CAPN7: variants seen among roughly 807,000 people sequenced by gnomAD.
CAPN7 encodes calpain 7, also known as calpain-7.
Under a neutral mutation model 115.2 loss-of-function variants are expected in CAPN7, and 72 were observed. The observed-to-expected ratio is 0.63, with a 90% CI of 0.52 to 0.76. The LOEUF (loss-of-function observed/expected upper bound fraction) is 0.76, where lower values mean the gene tolerates loss of function less well. Ranked by LOEUF, CAPN7 falls within the 30% of genes least tolerant of loss-of-function variation. CAPN7 has a pLI of 0.00. For synonymous variants in CAPN7, 344 were observed against 322.3 expected (o/e 1.07, Z -0.72); for missense variants, 905 against 971.5 (o/e 0.93, Z 0.91).
intron 7 of CAPN7, among the ~76,000 whole-genome samples, chr3:15,228,214 G>C (rs1239153901): frequency 1.3e-5 from 2 of 152,092 alleles, no homozygotes; most frequent in African/African-American, 4.8e-5. Context: ...TGTAAAACTT[G>C]AGAATCTGAA....
At chr3:15,243,673 A>T (rs1020339197) in intron 16 of CAPN7, among the ~76,000 whole-genome samples, 2 of 152,142 alleles carry the variant, frequency 1.3e-5, no homozygotes. Flanking sequence ...AGTTCCATCT[A>T]TTGATGTTTG....
chr3:15,235,767 C>T (rs1008659607), intron 12 of CAPN7, among the ~76,000 whole-genome samples: 8 of 152,286 alleles, frequency 5.3e-5, no homozygotes, highest in East Asian at 1.9e-4. Context: ...TCCTGCTATG[C>T]GGCCCAGTTC....
At position 15,233,858 on chromosome 3, in the gene CAPN7, C is replaced by T. The variant is rs1382964326; in HGVS notation, c.1180-9C>T. Reference sequence around the variant, plus strand: ...ACACTGGCAGTCCTGAAATGTGTTTCTGTTGCAGAATATTGATCTTCATGC... The same window carrying T: ...ACACTGGCAGTCCTGAAATGTGTTTTTGTTGCAGAATATTGATCTTCATGC... On this transcript the variant is annotated splice_polypyrimidine_tract_variant and intron_variant, in intron 10 of 20. Coordinates refer to ENST00000253693, the MANE Select transcript of CAPN7 (RefSeq NM_014296.3). 10 of 1,492,976 alleles carry T rather than the reference C, an allele frequency of 6.7e-6. No homozygotes were observed. Among genetic ancestry groups the T allele is most frequent in the Admixed American group, 1.7e-5 (1 of 59,044 alleles). The allele number at this position is 1,492,976 out of a possible 1,614,324, so 92.5% of individuals were successfully genotyped here. A position where few individuals can be genotyped will look rare whatever the true frequency, so the allele number is the denominator to read the frequency against.
At chr3:15,250,523 T>G (rs1695942910) in intron 19 of CAPN7, among the ~76,000 whole-genome samples, 1 of 151,896 alleles carries the variant, frequency 6.6e-6, no homozygotes, top group Non-Finnish European at 1.5e-5. Context: ...ACAAAAAAAT[T>G]TAGCCAGGCA....
chr3:15,226,733 C>T (rs1331298353), intron 6 of CAPN7, among the ~76,000 whole-genome samples: 9 of 152,010 alleles, frequency 5.9e-5, no homozygotes, highest in Non-Finnish European at 1.2e-4. Flanking sequence ...TTGCAATAAA[C>T]ATTGGCTTAT....
intron 19 of CAPN7, among the ~76,000 whole-genome samples, chr3:15,248,806 T>TCTC (rs1337029739): frequency 1.3e-5 from 2 of 151,448 alleles, no homozygotes; most frequent in African/African-American, 4.9e-5. Flanking sequence ...CTGAGCAACA[T>TCTC]GGCAAAACCT....
In CAPN7 at chr3:15,206,472, G is replaced by C. The variant is rs1318381606; in HGVS notation, c.-24G>C. ...GTCCTGCGTCAGGGCCTCCTTCCCT[G>C]CCCCGGCGCGGGGCCACTGCGCCAT... is the stretch of plus-strand genomic sequence containing the variant. On this transcript the variant is annotated 5_prime_UTR_variant, in exon 1 of 21. Coordinates refer to ENST00000253693, the MANE Select transcript of CAPN7 (RefSeq NM_014296.3). 6.5e-7 allele frequency: 1 copy of C among 1,528,504 alleles called. No individual in the cohort carries two copies. Among genetic ancestry groups the C allele is most frequent in the Non-Finnish European group, 8.8e-7 (1 of 1,133,052 alleles). The allele number at this position is 1,528,504 out of a possible 1,614,324, so 94.7% of individuals were successfully genotyped here.
chr3:15,234,624 A>G (rs1694882258), intron 11 of CAPN7, among the ~76,000 whole-genome samples: 1 of 152,220 alleles, frequency 6.6e-6, no homozygotes, highest in Non-Finnish European at 1.5e-5. Flanking sequence ...GATAATCCAT[A>G]TCCATTTAAG....
At position 15,247,364 on chromosome 3, in the gene CAPN7, G is replaced by A; in HGVS notation, c.2111G>A (p.Cys704Tyr). The change falls in exon 19 of 21, where the codon TGT becomes TAT. Residue 704 changes from cysteine to tyrosine, a missense_variant. Physicochemically the swap from Cys to Tyr is radical, Grantham distance 194. Coordinates refer to ENST00000253693, the MANE Select transcript of CAPN7 (RefSeq NM_014296.3). ...GKWSGQSAGGCGNFQETHKNN... is the reference protein window; with the variant it reads ...GKWSGQSAGGYGNFQETHKNN... Reference sequence around the variant, plus strand: ...TGGAGTGGTCAGAGTGCTGGAGGATGTGGAAATTTCCAAGAGACTCACAAA... The same window carrying A: ...TGGAGTGGTCAGAGTGCTGGAGGATATGGAAATTTCCAAGAGACTCACAAA... The A allele has an allele frequency of 1.2e-6, 2 of 1,609,620 alleles. No individual in the cohort carries two copies. The highest frequency in any genetic ancestry group is 2.2e-5 in the South Asian group (2 of 90,490).
intron 6 of CAPN7, among the ~76,000 whole-genome samples, chr3:15,225,259 T>C (rs6442505): frequency 0.12 from 17,959 of 152,226 alleles, 3,532 homozygotes; most frequent in African/African-American, 0.4. Context: ...CCTCTTTGAC[T>C]AATGATTTTA....
rs369805173 is a variant in CAPN7 at position 15,250,972 on chromosome 3, T to C, written c.2246T>C (p.Leu749Pro). Reference protein sequence around the residue: ...VGFEVVTVSTLGDPGPHGFLR... With the variant: ...VGFEVVTVSTPGDPGPHGFLR... Reference sequence around the variant, plus strand: ...TTTGAGGTTGTAACAGTTTCTACTCTAGGAGATCCTGGTCCCCATGGCTTT... The same window carrying C: ...TTTGAGGTTGTAACAGTTTCTACTCCAGGAGATCCTGGTCCCCATGGCTTT... Residue 749 changes from leucine to proline, a missense_variant, in exon 20 of 21, where the codon CTA (leucine) becomes CCA (proline). Leu to Pro is a moderately conservative substitution (Grantham distance 98, BLOSUM62 -3). Around this residue, in one of 3 missense-constraint regions of CAPN7, gnomAD observed 620 missense variants for 703.4 expected, o/e 0.88. Coordinates refer to ENST00000253693, the MANE Select transcript of CAPN7 (RefSeq NM_014296.3). 3.7e-5 allele frequency: 59 copies of C among 1,613,574 alleles called. No homozygotes were observed. Among genetic ancestry groups the C allele is most frequent in the Non-Finnish European group, 4.8e-5 (57 of 1,179,652 alleles).
At chr3:15,241,272 A>C (rs1185935973) in intron 14 of CAPN7, among the ~76,000 whole-genome samples, 181 bp from the exon 15 acceptor site, 2 of 152,188 alleles carry the variant, frequency 1.3e-5, no homozygotes, top group African/African-American at 4.8e-5. Context: ...TGTCACGCCC[A>C]CAGTGACTAT....
rs1355855919 is a variant in CAPN7, at chr3:15,207,509, G to T, written c.102+912G>T. Among the ~76,000 whole-genome samples, 4 of 151,952 alleles carry T rather than the reference G, an allele frequency of 2.6e-5. No individual in the cohort carries two copies. The East Asian group carries it at 7.7e-4, about 29-fold the overall frequency. On this transcript the variant is annotated intron_variant, in intron 1 of 20. Coordinates refer to ENST00000253693, the MANE Select transcript of CAPN7 (RefSeq NM_014296.3). ...CAGTAATAAACTAACCTTAGCTTAC[G>T]GTAACCCTTTTACTTTATAAACTTC...
chr3:15,247,505 G>A (rs1695736721), intron 19 of CAPN7, 48 bp downstream of exon 19: 2 of 1,500,710 alleles, frequency 1.3e-6, no homozygotes, highest in African/African-American at 2.9e-5. Context: ...TATTACAAAT[G>A]AACATAGTAT....
chr3:15,220,318 G>A (rs1693897566), intron 4 of CAPN7, among the ~76,000 whole-genome samples: 1 of 152,208 alleles, frequency 6.6e-6, no homozygotes, highest in Non-Finnish European at 1.5e-5. Flanking sequence ...CTGCCCAGGT[G>A]AACAACTCTG....
At chr3:15,238,849 ATTTTTTTTTTTTTT>A (rs59838740) in intron 12 of CAPN7, among the ~76,000 whole-genome samples, 1 of 114,012 alleles carries the variant, frequency 8.8e-6, no homozygotes, top group Admixed American at 8.9e-5. Context: ...GCAAAATCAA[ATTTTTTTTTTTTTT>A]TTTTTTTTTT....
chr3:15,217,554 C>T lies in CAPN7; in HGVS notation c.341C>T (p.Thr114Ile). The change falls in exon 3 of 21, where the codon ACA becomes ATA. Residue 114 changes from threonine (T) to isoleucine (I), a missense_variant. Coordinates refer to ENST00000253693, the MANE Select transcript of CAPN7 (RefSeq NM_014296.3). ...GTTGAAGATGCTATAGAATTGTACACAGAAGCTGTGGATCTCTGTCTGAAA... is the reference window on the plus strand; with the variant it reads ...GTTGAAGATGCTATAGAATTGTACATAGAAGCTGTGGATCTCTGTCTGAAA... ...ENVEDAIELY[T>I]EAVDLCLKTS... 6.2e-7 allele frequency: 1 copy of T among 1,613,244 alleles called. No homozygotes were observed. Among genetic ancestry groups the T allele is most frequent in the Non-Finnish European group, 8.5e-7 (1 of 1,179,656 alleles).
At chr3:15,231,976 A>T (rs1694719385) in intron 9 of CAPN7, 1 of 204,162 alleles carries the variant, frequency 4.9e-6, no homozygotes, top group African/African-American at 2.4e-5. Flanking sequence ...TACTGCATTT[A>T]AAAGTGAGGC....
In CAPN7 at chr3:15,220,923, C is replaced by T. The variant is rs781330034; in HGVS notation, c.580C>T (p.Pro194Ser). The change falls in exon 5 of 21, where the codon CCT becomes TCT. Residue 194 changes from proline (P) to serine (S), a missense_variant. Coordinates refer to ENST00000253693, the MANE Select transcript of CAPN7 (RefSeq NM_014296.3). Reference protein sequence around the residue: ...FLERPQSFISPQSCDAQGQRY... With the variant: ...FLERPQSFISSQSCDAQGQRY... ...TGAAAGACCTCAGTCATTTATAAGT[C>T]CTCAGTCATGTGATGCACAAGGACA... The T allele has an allele frequency of 1.9e-6, 3 of 1,614,090 alleles. No homozygotes were observed. In the South Asian group the frequency reaches 3.3e-5, roughly 18 times the overall value.
Sources: gnomAD v4.1 joint callset for allele counts (sites outside exome capture counted in the v4.1 genomes callset) on GRCh38, gnomAD v4.1.1 for gene constraint, gnomAD v4.1.1 regional missense constraint, MANE v1.5 for transcripts, NCBI Gene and HGNC (gene_info 2026-07-23, HGNC 2026-07-21) for gene names.